LAX1: variants seen among roughly 807,000 people sequenced by gnomAD.
LAX1 encodes the protein lymphocyte transmembrane adaptor 1.
A neutral mutation model predicts 20.7 loss-of-function variants in LAX1; 17 were observed. The ratio of observed to expected loss-of-function variants is 0.82; its 90% confidence interval spans 0.56 to 1.23. LAX1 has a LOEUF of 1.23. Ranked by LOEUF, LAX1 falls within the 50% of genes most tolerant of loss-of-function variation. LAX1 has a pLI of 0.00. For synonymous variants in LAX1, 165 were observed against 181.0 expected (o/e 0.91, Z 0.71); for missense variants, 470 against 487.0 (o/e 0.97, Z 0.33).
chr1:203,773,376 C>T (rs1189652990), intron 4 of LAX1, among the ~76,000 whole-genome samples: 1 of 152,086 alleles, frequency 6.6e-6, no homozygotes, highest in East Asian at 1.9e-4. Flanking sequence ...ATCGATTGAA[C>T]ACGGGAGGCA....
Position 203,765,593 on chromosome 1 carries a change from A to G in LAX1, c.28A>G (p.Thr10Ala), listed in dbSNP as rs769242627. ...GGATGGTGTCACTCCAACCCTTTCG[A>G]CAATCAGAGGGAGGACCTTGGAGTC... MDGVTPTLS[T>A]IRGRTLESST... is the part of the protein sequence containing the mutation. Residue 10 changes from threonine (T) to alanine (A), a missense_variant, in exon 1 of 5, where the codon ACA becomes GCA. Physicochemically the swap from Thr to Ala is moderately conservative, Grantham distance 58. Coordinates refer to ENST00000442561, the MANE Select transcript of LAX1 (RefSeq NM_017773.4). 3.5e-5 allele frequency: 56 copies of G among 1,614,046 alleles called. No homozygotes were observed. Among genetic ancestry groups the G allele is most frequent in the Non-Finnish European group, 4.7e-5 (55 of 1,180,028 alleles).
chr1:203,770,499 A>G (rs1451609132), intron 1 of LAX1, among the ~76,000 whole-genome samples: 2 of 83,472 alleles, frequency 2.4e-5, no homozygotes, highest in Non-Finnish European at 4.6e-5. Flanking sequence ...GGAAGGAAGG[A>G]AGGAAGGAAG....
At chr1:203,770,570 A>AAAGAAAGAAAGAAAGAAAGG (rs1558070986) in intron 1 of LAX1, among the ~76,000 whole-genome samples, 1 of 151,396 alleles carries the variant, frequency 6.6e-6, no homozygotes, top group Non-Finnish European at 1.5e-5. Context: ...AGAAAGAAAG[A>AAAGAAAGAAAGAAAGAAAGG]GATTAATAAG....
At chr1:203,772,698 T>C in intron 4 of LAX1, among the ~76,000 whole-genome samples, 1 of 151,754 alleles carries the variant, frequency 6.6e-6, no homozygotes, top group Non-Finnish European at 1.5e-5. Flanking sequence ...AGTGCTGAGA[T>C]TACAGGCATG....
chr1:203,770,044 T>C (rs1380322609), intron 1 of LAX1, among the ~76,000 whole-genome samples: 1 of 152,160 alleles, frequency 6.6e-6, no homozygotes, highest in African/African-American at 2.4e-5. Context: ...CTAGGTGATC[T>C]CTGACATGTT....
At chr1:203,768,024 A>C (rs933266945) in intron 1 of LAX1, among the ~76,000 whole-genome samples, 1 of 152,168 alleles carries the variant, frequency 6.6e-6, no homozygotes, top group Non-Finnish European at 1.5e-5. Context: ...AATATCAATC[A>C]ATCGGGCTGG....
chr1:203,770,510 G>GAAGA (rs1326354763), intron 1 of LAX1, among the ~76,000 whole-genome samples: 813 of 16,908 alleles, frequency 0.048, 96 homozygotes, highest in Non-Finnish European at 0.071. Flanking sequence ...AGGAAGGAAG[G>GAAGA]AAGAAAGAAA....
chr1:203,771,081 T>C, intron 2 of LAX1, 144 bp downstream of exon 2: 1 of 712,468 alleles, frequency 1.4e-6, no homozygotes, highest in South Asian at 1.7e-5. Context: ...ATTGCCTCAC[T>C]CAAGATCCTG....
intron 4 of LAX1, 31 bp downstream of exon 4, chr1:203,772,178 T>C (rs754410438): frequency 2.6e-6 from 4 of 1,523,026 alleles, no homozygotes; most frequent in East Asian, 2.2e-5. Context: ...GAGAATGACA[T>C]GTCTCTGGCA....
In LAX1 at chr1:203,774,502, C is replaced by G. The variant is rs1326022642; in HGVS notation, c.1018C>G (p.Leu340Val). ...TGTCCAATGTGTCAAAAGGACATTC[C>G]TTGCTTCAGGGGATTATGCAGACTT... ...THVQCVKRTF[L>V]ASGDYADFQP... Residue 340 changes from leucine (L) to valine (V), a missense_variant, in exon 5 of 5, where the codon CTT becomes GTT. Physicochemically the swap from Leu to Val is conservative, Grantham distance 32 (BLOSUM62 1). Coordinates refer to ENST00000442561, the MANE Select transcript of LAX1 (RefSeq NM_017773.4). 6.2e-7 allele frequency: 1 copy of G among 1,614,206 alleles called. No individual in the cohort carries two copies. The highest frequency in any genetic ancestry group is 8.5e-7 in the Non-Finnish European group (1 of 1,180,030).
intron 1 of LAX1, among the ~76,000 whole-genome samples, chr1:203,769,961 G>A (rs1667376192): frequency 6.6e-6 from 1 of 152,108 alleles, no homozygotes; most frequent in East Asian, 1.9e-4. Context: ...AGGACAGTGT[G>A]GCAGAGTGGA....
Position 203,773,934 on chromosome 1 carries a change from C to T in LAX1, c.450C>T (p.Tyr150=), listed in dbSNP as rs758429854. The T allele has an allele frequency of 1.6e-5, 26 of 1,613,802 alleles. No individual in the cohort carries two copies. Among genetic ancestry groups the T allele is most frequent in the Admixed American group, 5.0e-5 (3 of 59,942 alleles). ...CAGCCCACATCCATGCCACAGAGTA[C>T]GCGGTGGGTATCTATGACAACGCCA... ...EHTAHIHATE[Y]AVGIYDNAMV... The change falls in exon 5 of 5, where the codon TAC becomes TAT. Residue 150 remains tyrosine (Y), a synonymous_variant. Coordinates refer to ENST00000442561, the MANE Select transcript of LAX1 (RefSeq NM_017773.4).
Position 203,774,580 on chromosome 1 carries a change from T to A in LAX1, c.1096T>A (p.Ser366Thr), listed in dbSNP as rs779886345. 1 of 1,614,114 alleles carries A rather than the reference T, an allele frequency of 6.2e-7. No homozygotes were observed. The highest frequency in any genetic ancestry group is 8.5e-7 in the Non-Finnish European group (1 of 1,180,016). Residue 366 changes from serine to threonine, a missense_variant, in exon 5 of 5, where the codon TCA (serine) becomes ACA (threonine). Physicochemically the swap from Ser to Thr is moderately conservative, Grantham distance 58 (BLOSUM62 1). Coordinates refer to ENST00000442561, the MANE Select transcript of LAX1 (RefSeq NM_017773.4). ...TCAGATGAAACATAGAGAAGAGATG[T>A]CAAATGAGGACTCCAGTGACTATGA... The part of the protein sequence containing the change: ...DSQMKHREEM[S>T]NEDSSDYENV...
Position 203,770,473 on chromosome 1 carries a change from GGA to G in LAX1, c.90-354_90-353del, listed in dbSNP as rs1558070734. On this transcript the variant is annotated intron_variant, in intron 1 of 4. Coordinates refer to ENST00000442561, the MANE Select transcript of LAX1 (RefSeq NM_017773.4). The stretch of plus-strand genomic sequence containing the variant: ...AGAGAGAAAGGAAGGAAGGAAGGAA[GGA>G]AGGAAGGAAGGAAGGAAGGAAGGAA... Among the ~76,000 whole-genome samples the G allele has an allele frequency of 2.2e-3, 60 of 27,828 alleles. 1 individual carries two copies. Among genetic ancestry groups the G allele is most frequent in the Middle Eastern group, 0.018 (2 of 112 alleles). 18.3% of individuals were successfully genotyped at this position (27,828 alleles called of 152,430 possible).
intron 1 of LAX1, among the ~76,000 whole-genome samples, chr1:203,770,605 C>T (rs562808897): frequency 9.2e-5 from 14 of 151,778 alleles, no homozygotes; most frequent in Non-Finnish European, 1.6e-4. Flanking sequence ...CCCTGGCACC[C>T]GGTAGGCATT....
At chr1:203,768,116 G>A (rs933728640) in intron 1 of LAX1, among the ~76,000 whole-genome samples, 1 of 152,154 alleles carries the variant, frequency 6.6e-6, no homozygotes, top group Non-Finnish European at 1.5e-5. Context: ...TTCGAGACCA[G>A]CCTGACGAAT....
intron 4 of LAX1, among the ~76,000 whole-genome samples, chr1:203,773,125 G>C (rs7547110): frequency 0.44 from 66,312 of 151,982 alleles, 15,107 homozygotes; most frequent in East Asian, 0.86. Flanking sequence ...GATATTACTT[G>C]CAGGGCTTAT....
At chr1:203,767,112 T>C (rs111604260) in intron 1 of LAX1, among the ~76,000 whole-genome samples, 26,497 of 150,538 alleles carry the variant, frequency 0.18, 2,420 homozygotes, top group South Asian at 0.28. Context: ...CGCCCACCTC[T>C]GTCTCCCAAA....
rs745815921 is a variant in LAX1 at position 203,770,557 on chromosome 1, G to GAA, written c.90-269_90-268dup. 0.012 allele frequency among the ~76,000 whole-genome samples: 1,434 copies of GAA among 117,086 alleles called. 312 individuals are homozygous for GAA. In the East Asian group the frequency reaches 0.37, roughly 30 times the overall value. The allele number at this position is 117,086 out of a possible 152,430, so 76.8% of individuals were successfully genotyped here. A position where few individuals can be genotyped will look rare whatever the true frequency, so the allele number is the denominator to read the frequency against. ...AGAAAGAAAGAAAGAAAGAAAGAAA[G>GAA]AAAGAAAGAAAGAGATTAATAAGTT... On this transcript the variant is annotated intron_variant, in intron 1 of 4. Coordinates refer to ENST00000442561, the MANE Select transcript of LAX1 (RefSeq NM_017773.4).
Sources: allele counts gnomAD v4.1 joint callset (sites outside exome capture counted in the v4.1 genomes callset), GRCh38; gene constraint gnomAD v4.1.1; transcripts MANE v1.5; gene names NCBI Gene and HGNC (gene_info 2026-07-23, HGNC 2026-07-21).